The following ARHGAP42 variants were observed in gnomAD, a reference collection of about 807,000 sequenced individuals.
ARHGAP42 encodes Rho GTPase activating protein 42.
A neutral mutation model predicts 125.0 loss-of-function variants in ARHGAP42; 63 were observed. The observed-to-expected ratio is 0.50, with a 90% CI of 0.41 to 0.62. The LOEUF (loss-of-function observed/expected upper bound fraction) is 0.62. ARHGAP42 is among the 20% of genes least tolerant of loss of function. The pLI is 0.00. For synonymous variants in ARHGAP42, 339 were observed against 351.0 expected (o/e 0.97, Z 0.38); for missense variants, 766 against 1,024.2 (o/e 0.75, Z 3.44).
intron 3 of ARHGAP42, among the ~76,000 whole-genome samples, chr11:100,832,181 C>T (rs764803622): frequency 5.9e-5 from 9 of 152,214 alleles, no homozygotes; most frequent in Non-Finnish European, 1.0e-4. Context: ...CTTTAGCTGA[C>T]ATATTGGGCA....
At chr11:100,750,591 A>G (rs552604251) in intron 1 of ARHGAP42, among the ~76,000 whole-genome samples, 67 of 151,262 alleles carry the variant, frequency 4.4e-4, no homozygotes, top group African/African-American at 1.5e-3. Context: ...GGCTAGGGTT[A>G]GACCGCACAG....
At chr11:100,795,976 A>G (rs1270304501) in intron 3 of ARHGAP42, among the ~76,000 whole-genome samples, 6 of 152,252 alleles carry the variant, frequency 3.9e-5, no homozygotes, top group South Asian at 2.1e-4. Context: ...TTATATACAC[A>G]TATACAGCCA....
intron 4 of ARHGAP42, among the ~76,000 whole-genome samples, chr11:100,893,085 T>C (rs1199475436): frequency 6.6e-6 from 1 of 152,082 alleles, no homozygotes; most frequent in African/African-American, 2.4e-5. Context: ...ATTTGAATAC[T>C]GTCATTTCCA....
chr11:100,963,315 G>A (rs1466899750), intron 16 of ARHGAP42, among the ~76,000 whole-genome samples: 3 of 152,162 alleles, frequency 2.0e-5, no homozygotes, highest in Admixed American at 1.3e-4. Flanking sequence ...ATATTAGCAG[G>A]AAGAGTTGAC....
At chr11:100,695,239 G>T (rs151237834) in intron 1 of ARHGAP42, among the ~76,000 whole-genome samples, 1 of 152,234 alleles carries the variant, frequency 6.6e-6, no homozygotes, top group South Asian at 2.1e-4. Context: ...CAATGGAAAT[G>T]TAATTATTTT....
chr11:100,784,361 C>G (rs190946954), intron 2 of ARHGAP42, among the ~76,000 whole-genome samples: 1 of 152,150 alleles, frequency 6.6e-6, no homozygotes, highest in African/African-American at 2.4e-5. Flanking sequence ...CAAAGGTGCC[C>G]TCTAGGAGTT....
intron 1 of ARHGAP42, among the ~76,000 whole-genome samples, chr11:100,699,655 T>C (rs1464424844): frequency 1.3e-5 from 2 of 150,688 alleles, no homozygotes; most frequent in African/African-American, 2.4e-5. Context: ...CCCAAGCAGC[T>C]GGGATTACAG....
At chr11:100,730,336 T>C (rs903565710) in intron 1 of ARHGAP42, among the ~76,000 whole-genome samples, 1 of 152,104 alleles carries the variant, frequency 6.6e-6, no homozygotes, top group African/African-American at 2.4e-5. Flanking sequence ...TAGGAGAAAA[T>C]CAGCAGTTTT....
At chr11:100,933,406 A>C (rs1423006433) in intron 7 of ARHGAP42, 146 bp downstream of exon 7, 2 of 516,384 alleles carry the variant, frequency 3.9e-6, no homozygotes, top group East Asian at 6.6e-5. Context: ...ATACTAGCAA[A>C]TTTTATAAAA....
intron 4 of ARHGAP42, among the ~76,000 whole-genome samples, chr11:100,882,559 T>C (rs1207112724): frequency 1.3e-5 from 2 of 152,014 alleles, no homozygotes; most frequent in Admixed American, 1.3e-4. Flanking sequence ...GTCTGTAGTT[T>C]TCTCTTTTGG....
intron 4 of ARHGAP42, among the ~76,000 whole-genome samples, chr11:100,873,294 T>C (rs1378010703): frequency 2.6e-5 from 4 of 152,220 alleles, no homozygotes; most frequent in Admixed American, 6.5e-5. Flanking sequence ...CATTAAGAAA[T>C]ACATTTTACA....
intron 1 of ARHGAP42, among the ~76,000 whole-genome samples, chr11:100,763,774 G>T (rs186285755): frequency 2.0e-5 from 3 of 152,322 alleles, no homozygotes; most frequent in Admixed American, 2.0e-4. Context: ...ACAGGCGTGA[G>T]CCACCGTGCC....
At chr11:100,836,073 T>C (rs1323123930) in intron 3 of ARHGAP42, among the ~76,000 whole-genome samples, 1 of 152,132 alleles carries the variant, frequency 6.6e-6, no homozygotes, top group Non-Finnish European at 1.5e-5. Context: ...TTCAAGTCAT[T>C]AGAGCTTTGG....
At chr11:100,890,745 A>G (rs560912581) in intron 4 of ARHGAP42, among the ~76,000 whole-genome samples, 2 of 152,356 alleles carry the variant, frequency 1.3e-5, no homozygotes, top group African/African-American at 2.4e-5. Context: ...TGCCTGTGGC[A>G]GGGACTAATA....
chr11:100,795,554 GC>G (rs1863689990), intron 3 of ARHGAP42, among the ~76,000 whole-genome samples: 1 of 152,308 alleles, frequency 6.6e-6, no homozygotes, highest in South Asian at 2.1e-4. Flanking sequence ...GGAGGAACTT[GC>G]CAGGGTAGTG....
Position 100,730,642 on chromosome 11 carries a change from G to A in ARHGAP42, c.155-39701G>A, listed in dbSNP as rs150900673. Among the ~76,000 whole-genome samples the A allele has an allele frequency of 2.9e-3, 447 of 152,254 alleles. 4 individuals are homozygous for A. Among genetic ancestry groups the A allele is most frequent in the Non-Finnish European group, 6.5e-4 (44 of 68,024 alleles). On this transcript the variant is annotated intron_variant, in intron 1 of 23. Transcript: ENST00000298815. ...TCTAAGAAATTGCAAAATTTTAATT[G>A]CATTTTTTCCTTAAAGTGGGTTGCT...
At chr11:100,732,963 T>C (rs1018710958) in intron 1 of ARHGAP42, among the ~76,000 whole-genome samples, 2 of 152,218 alleles carry the variant, frequency 1.3e-5, no homozygotes, top group South Asian at 4.1e-4. Context: ...CTCCAAAATA[T>C]TGAGTCAGAT....
At chr11:100,955,368 A>G (rs1857776942) in intron 12 of ARHGAP42, among the ~76,000 whole-genome samples, 1 of 152,138 alleles carries the variant, frequency 6.6e-6, no homozygotes, top group Non-Finnish European at 1.5e-5. Flanking sequence ...CTCATATTAC[A>G]GAATTTGGTA....
At chr11:100,719,246 G>A (rs12284980) in intron 1 of ARHGAP42, among the ~76,000 whole-genome samples, 2,023 of 152,288 alleles carry the variant, frequency 0.013, 60 homozygotes, top group African/African-American at 0.046. Context: ...ATATTGGCCA[G>A]TCAAATAATA....
Sources: allele counts gnomAD v4.1 joint callset (sites outside exome capture counted in the v4.1 genomes callset), GRCh38; gene constraint gnomAD v4.1.1; transcripts MANE v1.5; gene names NCBI Gene and HGNC (gene_info 2026-07-23, HGNC 2026-07-21).